CTNND2: variants seen among roughly 807,000 people sequenced by gnomAD.
CTNND2 encodes the protein catenin delta 2, also known as catenin delta-2.
Under a neutral mutation model 144.4 loss-of-function variants are expected in CTNND2, and 22 were observed. The observed-to-expected ratio is 0.15, with a 90% CI of 0.11 to 0.22. CTNND2 has a LOEUF of 0.22. Among genes scored for constraint, CTNND2 ranks in the 10% least tolerant of loss-of-function variants. The pLI is 1.00. For missense variants in CTNND2, 1,353 were observed against 1,618.8 expected (o/e 0.84, Z 2.82); for synonymous variants, 751 against 695.6 (o/e 1.08, Z -1.25).
chr5:11,433,459 C>A (rs182816824), intron 3 of CTNND2, among the ~76,000 whole-genome samples: 26 of 152,186 alleles, frequency 1.7e-4, no homozygotes, highest in Admixed American at 1.6e-3. Flanking sequence ...AAAGGAAATA[C>A]CCGAGGCTGG....
chr5:11,007,369 T>C (rs528979636), intron 18 of CTNND2, among the ~76,000 whole-genome samples: 7 of 138,106 alleles, frequency 5.1e-5, no homozygotes, highest in African/African-American at 1.5e-4. Context: ...AATGGAGCAC[T>C]GGCGGTGAGG....
At chr5:11,489,325 G>A (rs188275722) in intron 3 of CTNND2, among the ~76,000 whole-genome samples, 2 of 152,142 alleles carry the variant, frequency 1.3e-5, no homozygotes, top group East Asian at 3.9e-4. Flanking sequence ...TGCTTAGTTG[G>A]CATCCTTATA....
chr5:11,536,918 C>T lies in CTNND2; in HGVS notation c.287+28026G>A, dbSNP rs575832171. Among the ~76,000 whole-genome samples, 9 of 152,040 alleles carry T rather than the reference C, an allele frequency of 5.9e-5. No individual in the cohort carries two copies. The East Asian group carries it at 1.7e-3, about 29-fold the overall frequency. On this transcript the variant is annotated intron_variant, in intron 3 of 21. Coordinates refer to ENST00000304623, the MANE Select transcript of CTNND2 (RefSeq NM_001332.4). ...AAAGTTTTAATAAATAAATAAAATGCATTTAATATGTTAGAGCAGTCATTC... is the reference window on the plus strand; with the variant it reads ...AAAGTTTTAATAAATAAATAAAATGTATTTAATATGTTAGAGCAGTCATTC...
rs980016076 is a variant in CTNND2 at position 11,584,904 on chromosome 5, G to A, written c.175-19848C>T. 3.3e-5 allele frequency among the ~76,000 whole-genome samples: 5 copies of A among 152,274 alleles called. No individual in the cohort carries two copies. The South Asian group carries it at 8.3e-4, about 25-fold the overall frequency. The stretch of plus-strand genomic sequence containing the variant: ...CTGCATCATTTTTCTCATGCTAATA[G>A]AGGATAGAAACATAAAGAAATACAT... On this transcript the variant is annotated intron_variant, in intron 2 of 21. Transcript: ENST00000304623.
At chr5:11,079,445 C>G (rs1211440440) in intron 16 of CTNND2, among the ~76,000 whole-genome samples, 1 of 152,198 alleles carries the variant, frequency 6.6e-6, no homozygotes, top group Non-Finnish European at 1.5e-5. Context: ...CCTGTGGGGA[C>G]TGTGTCATCC....
At chr5:11,427,218 A>C (rs994614142) in intron 3 of CTNND2, among the ~76,000 whole-genome samples, 4 of 152,114 alleles carry the variant, frequency 2.6e-5, no homozygotes, top group African/African-American at 9.7e-5. Flanking sequence ...AGACAGTGGA[A>C]GAAAGGAGAA....
intron 5 of CTNND2, among the ~76,000 whole-genome samples, chr5:11,404,602 C>CTTTTTTTTTTTTTTTTTT (rs555388304): frequency 1.7e-4 from 10 of 57,384 alleles, no homozygotes; most frequent in African/African-American, 3.4e-4. Context: ...TATCTGTATT[C>CTTTTTTTTTTTTTTTTTT]TTTTTTTTTT....
chr5:11,542,186 A>G (rs1337155429), intron 3 of CTNND2, among the ~76,000 whole-genome samples: 2 of 152,164 alleles, frequency 1.3e-5, no homozygotes, highest in African/African-American at 2.4e-5. Flanking sequence ...GAACTGCGCC[A>G]GATTCTAACC....
At chr5:11,468,045 G>A (rs901104617) in intron 3 of CTNND2, among the ~76,000 whole-genome samples, 8 of 152,104 alleles carry the variant, frequency 5.3e-5, no homozygotes, top group African/African-American at 1.9e-4. Flanking sequence ...GGAGTTAAAC[G>A]TGTGTCTGTG....
At chr5:11,735,629 C>T (rs1410232988) in intron 1 of CTNND2, among the ~76,000 whole-genome samples, 6 of 152,102 alleles carry the variant, frequency 3.9e-5, no homozygotes, top group African/African-American at 9.7e-5. Flanking sequence ...AATTAAATCA[C>T]GGAGGCAGGT....
chr5:11,839,716 T>A (rs950698626), intron 1 of CTNND2, among the ~76,000 whole-genome samples: 5 of 152,086 alleles, frequency 3.3e-5, no homozygotes, highest in African/African-American at 4.8e-5. Flanking sequence ...CTATCTCTTA[T>A]ATGCAGGTTC....
intron 20 of CTNND2, among the ~76,000 whole-genome samples, chr5:10,983,661 C>A (rs1737577852): frequency 6.6e-6 from 1 of 152,154 alleles, no homozygotes; most frequent in African/African-American, 2.4e-5. Context: ...TCTCTCTGGA[C>A]CATTGCTACC....
chr5:11,502,644 C>A (rs966376407), intron 3 of CTNND2, among the ~76,000 whole-genome samples: 1 of 152,162 alleles, frequency 6.6e-6, no homozygotes, highest in Non-Finnish European at 1.5e-5. Flanking sequence ...TATCCCTGTT[C>A]ATAACAATCA....
chr5:11,131,096 A>G (rs557550562), intron 12 of CTNND2, among the ~76,000 whole-genome samples: 2 of 152,318 alleles, frequency 1.3e-5, no homozygotes, highest in South Asian at 4.1e-4. Flanking sequence ...TTAAAAAATG[A>G]ATACTAGCTA....
intron 9 of CTNND2, among the ~76,000 whole-genome samples, chr5:11,345,080 C>T (rs1012975498): frequency 8.6e-5 from 13 of 152,036 alleles, no homozygotes; most frequent in Non-Finnish European, 1.5e-4. Flanking sequence ...TTCACTATTA[C>T]GCTATTTCTA....
chr5:11,836,536 CAAAA>C (rs764637538), intron 1 of CTNND2, among the ~76,000 whole-genome samples: 1 of 130,258 alleles, frequency 7.7e-6, no homozygotes, highest in African/African-American at 2.7e-5. Context: ...GCCAAACTAC[CAAAA>C]AAAAAAAAAG....
intron 9 of CTNND2, among the ~76,000 whole-genome samples, chr5:11,248,762 G>A (rs1004289398): frequency 4.6e-5 from 7 of 152,154 alleles, no homozygotes; most frequent in Admixed American, 6.5e-5. Flanking sequence ...AAGTGAGAAC[G>A]TGTCCTGAAG....
intron 3 of CTNND2, among the ~76,000 whole-genome samples, chr5:11,535,179 C>T (rs1462897499): frequency 4.8e-5 from 7 of 144,638 alleles, no homozygotes; most frequent in African/African-American, 1.8e-4. Flanking sequence ...CTGAGCAATA[C>T]TCTGTCTTAA....
At chr5:11,113,414 T>TCATGGTACAATGCAGAATTA (rs376278241) in intron 13 of CTNND2, among the ~76,000 whole-genome samples, 18 of 152,242 alleles carry the variant, frequency 1.2e-4, no homozygotes, top group African/African-American at 3.6e-4. Flanking sequence ...GTAGCTGCTT[T>TCATGGTACAATGCAGAATTA]CATGGTACAA....
Sources: allele counts gnomAD v4.1 joint callset (sites outside exome capture counted in the v4.1 genomes callset), GRCh38; gene constraint gnomAD v4.1.1; transcripts MANE v1.5; gene names NCBI Gene and HGNC (gene_info 2026-07-23, HGNC 2026-07-21).